Variants in NRG3 observed in about 807,000 individuals in gnomAD.
The protein encoded by NRG3 is neuregulin 3, also known as pro-neuregulin-3, membrane-bound isoform.
NRG3 carries 31 observed loss-of-function variants against 66.9 expected under a neutral mutation model. The ratio of observed to expected loss-of-function variants is 0.46; its 90% CI spans 0.35 to 0.63. NRG3 has a LOEUF of 0.63. Among genes scored for constraint, NRG3 ranks in the 20% least tolerant of loss-of-function variants. NRG3 has a pLI of 0.00. For synonymous variants in NRG3, 393 were observed against 359.4 expected (o/e 1.09, Z -1.06); for missense variants, 910 against 878.9 (o/e 1.04, Z -0.45).
chr10:82,216,525 TATATG>T (rs1274915703), intron 1 of NRG3, among the ~76,000 whole-genome samples: 1 of 119,008 alleles, frequency 8.4e-6, no homozygotes, highest in African/African-American at 3.6e-5. Flanking sequence ...TATATGCACA[TATATG>T]TGTGTGTGTA....
chr10:82,265,387 A>G (rs1739253148), intron 1 of NRG3, among the ~76,000 whole-genome samples: 1 of 152,192 alleles, frequency 6.6e-6, no homozygotes, highest in Non-Finnish European at 1.5e-5. Context: ...AAGAAAGAAA[A>G]TGAGAGCACG....
chr10:82,815,800 C>T (rs933664212), intron 3 of NRG3, among the ~76,000 whole-genome samples: 3 of 152,138 alleles, frequency 2.0e-5, no homozygotes, highest in Non-Finnish European at 4.4e-5. Context: ...GGCCTGGATC[C>T]CACACCTGCT....
chr10:82,754,804 T>C (rs1376121515), intron 3 of NRG3, among the ~76,000 whole-genome samples: 2 of 151,982 alleles, frequency 1.3e-5, no homozygotes, highest in East Asian at 3.9e-4. Context: ...ACATAAAAAA[T>C]TGTAACATTA....
chr10:82,599,659 C>A (rs1216076525), intron 2 of NRG3, among the ~76,000 whole-genome samples: 2 of 151,924 alleles, frequency 1.3e-5, no homozygotes, highest in African/African-American at 4.8e-5. Context: ...ATTAAAAATA[C>A]AAAAAATAGT....
intron 2 of NRG3, among the ~76,000 whole-genome samples, chr10:82,522,561 T>A (rs76863449): frequency 0.017 from 2,537 of 152,196 alleles, 30 homozygotes; most frequent in Middle Eastern, 0.068. Flanking sequence ...AAAGGTGACA[T>A]GGAAAAAGGA....
At chr10:82,909,675 T>C (rs1845130497) in intron 4 of NRG3, among the ~76,000 whole-genome samples, 1 of 152,198 alleles carries the variant, frequency 6.6e-6, no homozygotes, top group African/African-American at 2.4e-5. Context: ...AGACCTACGT[T>C]CATTACTCAC....
At chr10:82,765,238 A>G (rs1230276766) in intron 3 of NRG3, among the ~76,000 whole-genome samples, 1 of 152,124 alleles carries the variant, frequency 6.6e-6, no homozygotes, top group Non-Finnish European at 1.5e-5. Flanking sequence ...CTCTCTAACC[A>G]TATGGAAATG....
chr10:82,520,146 C>T (rs569441988), intron 2 of NRG3, among the ~76,000 whole-genome samples: 2 of 149,610 alleles, frequency 1.3e-5, no homozygotes, highest in African/African-American at 4.9e-5. Context: ...AATTCACTTA[C>T]AAATTTCCCA....
chr10:82,570,414 T>C (rs556607840), intron 2 of NRG3, among the ~76,000 whole-genome samples: 1 of 151,814 alleles, frequency 6.6e-6, no homozygotes, highest in East Asian at 1.9e-4. Flanking sequence ...ATTTTTCTCA[T>C]TGGAGACTTT....
At position 82,198,789 on chromosome 10, in the gene NRG3, A is replaced by G. The variant is rs549608844; in HGVS notation, c.824-159950A>G. ...CAGGGTGGGCAGATCATGAGGTCAG[A>G]AGTTCGAGACCAGCCTGACCAACAT... On this transcript the variant is annotated intron_variant, in intron 1 of 8. Transcript: ENST00000372141. Among the ~76,000 whole-genome samples the G allele has an allele frequency of 6.6e-5, 10 of 152,112 alleles. No individual in the cohort carries two copies. In the East Asian group the frequency reaches 9.7e-4, roughly 15 times the overall value.
chr10:82,808,588 C>A (rs1438146568), intron 3 of NRG3, among the ~76,000 whole-genome samples: 2 of 151,922 alleles, frequency 1.3e-5, no homozygotes, highest in African/African-American at 4.8e-5. Context: ...TGAAAAAAAT[C>A]TCTCCAATTA....
chr10:82,061,967 G>A (rs2064178342), intron 1 of NRG3, among the ~76,000 whole-genome samples: 1 of 152,058 alleles, frequency 6.6e-6, no homozygotes. Flanking sequence ...ATAGAAATTA[G>A]TCAGTGAGCT....
At chr10:82,861,277 A>T (rs1233867450) in intron 3 of NRG3, among the ~76,000 whole-genome samples, 1 of 149,436 alleles carries the variant, frequency 6.7e-6, no homozygotes, top group Non-Finnish European at 1.5e-5. Flanking sequence ...ATAAGCTATT[A>T]TAAAAAATTA....
chr10:82,300,367 TG>T (rs1274685913), intron 1 of NRG3, among the ~76,000 whole-genome samples: 1 of 152,240 alleles, frequency 6.6e-6, no homozygotes, highest in Non-Finnish European at 1.5e-5. Flanking sequence ...TTTACTTTTG[TG>T]TGTTTGAAAA....
intron 2 of NRG3, among the ~76,000 whole-genome samples, chr10:82,720,805 T>TTATATATA (rs1363560030): frequency 9.4e-5 from 6 of 63,496 alleles, no homozygotes; most frequent in African/African-American, 4.4e-4. Flanking sequence ...TAGGAGTATT[T>TTATATATA]TATACATATA....
chr10:82,916,719 G>C (rs1032322616), intron 4 of NRG3, among the ~76,000 whole-genome samples: 1 of 151,794 alleles, frequency 6.6e-6, no homozygotes, highest in African/African-American at 2.4e-5. Context: ...AGGTTCAAGC[G>C]ATTCTCCTGC....
chr10:81,908,415 A>G (rs1400863648), intron 1 of NRG3, among the ~76,000 whole-genome samples: 1 of 152,168 alleles, frequency 6.6e-6, no homozygotes, highest in Non-Finnish European at 1.5e-5. Flanking sequence ...CATATATTGC[A>G]TCCCAATATT....
At position 82,979,102 on chromosome 10, in the gene NRG3, A is replaced by C. The variant is rs1589234141; in HGVS notation, c.1565A>C (p.Asp522Ala). 1.9e-6 allele frequency: 3 copies of C among 1,614,058 alleles called. No homozygotes were observed. The highest frequency in any genetic ancestry group is 2.5e-6 in the Non-Finnish European group (3 of 1,179,952). ...QLEESRIPDQ[D>A]TIPCQGYSSS... Reference sequence around the variant, plus strand: ...GAAGAATCAAGGATCCCAGACCAGGATACGATACCTTGCCAAGGGTAGGTC... The same window carrying C: ...GAAGAATCAAGGATCCCAGACCAGGCTACGATACCTTGCCAAGGGTAGGTC... The change falls in exon 8 of 9, where the codon GAT (aspartate) becomes GCT (alanine). Residue 522 changes from aspartate to alanine, a missense_variant. Asp to Ala is a moderately radical substitution (Grantham distance 126, BLOSUM62 -2). Transcript: ENST00000372141.
At chr10:82,469,138 G>A (rs551469871) in intron 2 of NRG3, among the ~76,000 whole-genome samples, 1 of 152,070 alleles carries the variant, frequency 6.6e-6, no homozygotes, top group African/African-American at 2.4e-5. Context: ...TTTTCATTTT[G>A]CTTTTCGAAA....
Sources: gnomAD v4.1 joint callset for allele counts (sites outside exome capture counted in the v4.1 genomes callset) on GRCh38, gnomAD v4.1.1 for gene constraint, MANE v1.5 for transcripts, NCBI Gene and HGNC (gene_info 2026-07-23, HGNC 2026-07-21) for gene names.